LILRB1: variants seen among roughly 807,000 people sequenced by gnomAD.
LILRB1 encodes leukocyte immunoglobulin-like receptor subfamily B member 1.
LILRB1 carries 59 observed loss-of-function variants against 74.6 expected under a neutral mutation model. That is an observed-to-expected ratio of 0.79 (90% confidence interval 0.64 to 0.98). The LOEUF is 0.98. Ranked by LOEUF, LILRB1 falls within the 50% of genes least tolerant of loss-of-function variation. LILRB1 has a pLI of 0.00. For synonymous variants in LILRB1, 328 were observed against 333.9 expected (o/e 0.98, Z 0.19); for missense variants, 804 against 822.6 (o/e 0.98, Z 0.28).
At chr19:54,633,739 A>G in intron 8 of LILRB1, 51 bp downstream of exon 8, 2 of 1,563,164 alleles carry the variant, frequency 1.3e-6, no homozygotes, top group Non-Finnish European at 1.7e-6. Context: ...CCCCCAGGGC[A>G]GCCCTGGGTC....
intron 1 of LILRB1, among the ~76,000 whole-genome samples, chr19:54,623,056 TC>T (rs1399892499): frequency 1.3e-5 from 2 of 152,198 alleles, no homozygotes; most frequent in African/African-American, 4.8e-5. Flanking sequence ...ACTGTTAGAT[TC>T]CGTTTAATAG....
At chr19:54,629,854 T>C (rs1029441404), upstream of LILRB1, among the ~76,000 whole-genome samples, 12 of 152,256 alleles carry the variant, frequency 7.9e-5, no homozygotes, top group Admixed American at 7.8e-4. Flanking sequence ...CATCTCTTTT[T>C]CTGCTCATGA....
chr19:54,622,265 T>C (rs745618926), intron 1 of LILRB1, among the ~76,000 whole-genome samples: 3 of 152,212 alleles, frequency 2.0e-5, no homozygotes, highest in Non-Finnish European at 2.9e-5. Flanking sequence ...GTTGAATCTG[T>C]AGTATGCTTT....
chr19:54,630,722 G>A (rs1273720217), intron 1 of LILRB1, 89 bp downstream of exon 1: 5 of 581,042 alleles, frequency 8.6e-6, no homozygotes, highest in Admixed American at 2.5e-5. Flanking sequence ...AGATGCCTCC[G>A]CTACCCTCGT....
At position 54,637,916 on chromosome 19, in the gene LILRB1, A is replaced by G. The variant is rs926086717; in HGVS notation, c.*1038A>G. On this transcript the variant is annotated 3_prime_UTR_variant, in exon 15 of 15. Transcript: ENST00000324602. ...CTAAACTGGAGTTTACATAATGAAC[A>G]TAAGAGTAATCAGAGAATCTGACTC... Among the ~76,000 whole-genome samples, 3 of 152,256 alleles carry G rather than the reference A, an allele frequency of 2.0e-5. No homozygotes were observed. Among genetic ancestry groups the G allele is most frequent in the Admixed American group, 6.5e-5 (1 of 15,292 alleles).
intron 1 of LILRB1, among the ~76,000 whole-genome samples, chr19:54,617,656 C>A (rs866312164): frequency 6.6e-6 from 1 of 151,622 alleles, no homozygotes; most frequent in African/African-American, 2.4e-5. Context: ...GCAGTGAACC[C>A]ATTTTAATTT....
chr19:54,632,803 C>T, intron 6 of LILRB1, 43 bp downstream of exon 6: 3 of 1,548,762 alleles, frequency 1.9e-6, no homozygotes, highest in East Asian at 2.3e-5. Context: ...AGGCTCCGCA[C>T]AGGCCCTGCC....
Position 54,633,043 on chromosome 19 carries a change from C to G in LILRB1, c.986C>G (p.Ser329Trp). 4.3e-6 allele frequency: 7 copies of G among 1,614,134 alleles called. No individual in the cohort carries two copies. The African/African-American group carries it at 6.7e-5, about 15-fold the overall frequency. Residue 329 changes from serine to tryptophan, a missense_variant, in exon 7 of 15, where the codon TCG becomes TGG. Physicochemically the swap from Ser to Trp is radical, Grantham distance 177. Coordinates refer to ENST00000324602, the MANE Select transcript of LILRB1 (RefSeq NM_001081637.3). The stretch of plus-strand genomic sequence containing the variant: ...CAGTTCTATGACAGAGTCTCCCTCT[C>G]GGTGCAGCCGGGCCCCACGGTGGCC... ...AGQFYDRVSL[S>W]VQPGPTVASG...
chr19:54,635,508 G>A (rs756078473), intron 12 of LILRB1, 49 bp from the exon 13 acceptor site: 3 of 1,585,670 alleles, frequency 1.9e-6, no homozygotes, highest in East Asian at 4.5e-5. Context: ...GGACTCAGAG[G>A]TCCCAGGGAA....
chr19:54,631,453 G>A, intron 3 of LILRB1, 47 bp from the exon 4 acceptor site: 1 of 1,597,422 alleles, frequency 6.3e-7, no homozygotes, highest in Non-Finnish European at 8.5e-7. Context: ...GAATCTGCTG[G>A]GTTGGGTGGG....
At chr19:54,633,412 C>T in intron 7 of LILRB1, 94 bp downstream of exon 7, 1 of 1,490,834 alleles carries the variant, frequency 6.7e-7, no homozygotes, top group Admixed American at 2.1e-5. Context: ...GAGCGGGGGT[C>T]TGAGAGGGGC....
Position 54,631,625 on chromosome 19 carries a change from A to G in LILRB1, c.196A>G (p.Thr66Ala), listed in dbSNP as rs1160393646. The change falls in exon 4 of 15, where the codon ACA becomes GCA. Residue 66 changes from threonine to alanine, a missense_variant. Thr to Ala is a moderately conservative substitution (Grantham distance 58). Transcript: ENST00000324602. ...GTACCGTCTATATAGAGAAAAGAAA[A>G]CAGCACCCTGGATTACACGGATCCC... ...QEYRLYREKK[T>A]APWITRIPQE... 2.5e-6 allele frequency: 4 copies of G among 1,614,168 alleles called. No individual in the cohort carries two copies. In the African/African-American group the frequency reaches 4.0e-5, roughly 16 times the overall value.
At chr19:54,633,348 C>T in intron 7 of LILRB1, 30 bp downstream of exon 7, 1 of 1,598,908 alleles carries the variant, frequency 6.3e-7, no homozygotes, top group East Asian at 2.2e-5. Flanking sequence ...CCTCTCTGAG[C>T]TCAAAGTCTC....
chr19:54,631,222 C>A (rs767889506), intron 2 of LILRB1, 49 bp from the exon 3 acceptor site: 6 of 1,614,046 alleles, frequency 3.7e-6, no homozygotes, highest in Non-Finnish European at 5.1e-6. Context: ...GAGGGGAGGA[C>A]CTGCCCAGGC....
chr19:54,631,648 C>G lies in LILRB1; in HGVS notation c.219C>G (p.Ile73Met). Residue 73 changes from isoleucine to methionine, a missense_variant, in exon 4 of 15, where the codon ATC becomes ATG. Transcript: ENST00000324602. ...EKKTAPWITR[I>M]PQELVKKGQF... The stretch of plus-strand genomic sequence containing the variant: ...AAACAGCACCCTGGATTACACGGAT[C>G]CCACAGGAGCTTGTGAAGAAGGGCC... 6.2e-7 allele frequency: 1 copy of G among 1,614,282 alleles called. No homozygotes were observed. Among genetic ancestry groups the G allele is most frequent in the Non-Finnish European group, 8.5e-7 (1 of 1,180,050 alleles).
At position 54,636,366 on chromosome 19, in the gene LILRB1, G is replaced by A. The variant is rs540671431; in HGVS notation, c.1654-128G>A. Reference sequence around the variant, plus strand: ...CGAGGGAGCGGCCAGACCCTCCACGGCCTTAGGGCGTCCCTGAGATTCCAT... The same window carrying A: ...CGAGGGAGCGGCCAGACCCTCCACGACCTTAGGGCGTCCCTGAGATTCCAT... On this transcript the variant is annotated intron_variant, in intron 13 of 14. Coordinates refer to ENST00000324602, the MANE Select transcript of LILRB1 (RefSeq NM_001081637.3). 70 of 1,517,068 alleles carry A rather than the reference G, an allele frequency of 4.6e-5. No individual in the cohort carries two copies. The East Asian group carries it at 1.6e-3, about 34-fold the overall frequency. The allele number at this position is 1,517,068 out of a possible 1,614,324, so 94.0% of individuals were successfully genotyped here.
intron 13 of LILRB1, chr19:54,636,052 G>A (rs1338521894): frequency 1.1e-5 from 6 of 542,066 alleles, no homozygotes; most frequent in Non-Finnish European, 2.2e-5. Context: ...GCAAATAAAT[G>A]TGCCGCCTCC....
chr19:54,633,343 C>T lies in LILRB1; in HGVS notation c.1261+25C>T, dbSNP rs375906467. 2.6e-4 allele frequency: 423 copies of T among 1,604,120 alleles called. No homozygotes were observed. In the South Asian group the frequency reaches 4.5e-3, roughly 17 times the overall value. On this transcript the variant is annotated intron_variant, in intron 7 of 14. Coordinates refer to ENST00000324602, the MANE Select transcript of LILRB1 (RefSeq NM_001081637.3). ...GGTGGGGGCCTTGACCCTGTCCTCT[C>T]TGAGCTCAAAGTCTCAGCTCAGACC...
At position 54,632,697 on chromosome 19, in the gene LILRB1, G is replaced by C; in HGVS notation, c.895G>C (p.Gly299Arg). ...CTACGGGGGCCAGTACAGATGCTAC[G>C]GTGCACACAACCTCTCCTCCGAGTG... ...RSYGGQYRCY[G>R]AHNLSSEWSA... Residue 299 changes from glycine to arginine, a missense_variant, in exon 6 of 15, where the codon GGT becomes CGT. Physicochemically the swap from Gly to Arg is moderately radical, Grantham distance 125 (BLOSUM62 -2). Transcript: ENST00000324602. 2 of 1,612,948 alleles carry C rather than the reference G, an allele frequency of 1.2e-6. No homozygotes were observed. The highest frequency in any genetic ancestry group is 1.7e-6 in the Non-Finnish European group (2 of 1,179,968).
Sources: allele counts gnomAD v4.1 joint callset (sites outside exome capture counted in the v4.1 genomes callset), GRCh38; gene constraint gnomAD v4.1.1; transcripts MANE v1.5; gene names NCBI Gene and HGNC (gene_info 2026-07-23, HGNC 2026-07-21).